The following SMOC1 variants were observed in gnomAD, a reference collection of about 807,000 sequenced individuals.
SMOC1 encodes the protein SPARC-related modular calcium-binding protein 1.
SMOC1 carries 22 observed loss-of-function variants against 56.3 expected under a neutral mutation model. The observed-to-expected ratio is 0.39, with a 90% CI of 0.28 to 0.56. The LOEUF is 0.56. SMOC1 is among the 20% of genes least tolerant of loss of function. The pLI, the probability that SMOC1 is intolerant of heterozygous loss-of-function variation, is 0.61. For synonymous variants in SMOC1, 193 were observed against 215.0 expected (o/e 0.90, Z 0.89); for missense variants, 509 against 565.4 (o/e 0.90, Z 1.01).
intron 1 of SMOC1, among the ~76,000 whole-genome samples, chr14:69,908,068 A>G (rs1422860710): frequency 6.6e-6 from 1 of 152,236 alleles, no homozygotes; most frequent in Admixed American, 6.5e-5. Flanking sequence ...TGTGGCACAG[A>G]TCTATGGCAC....
At chr14:69,980,020 A>ACAGACC (rs913740776) in intron 5 of SMOC1, among the ~76,000 whole-genome samples, 7 of 152,222 alleles carry the variant, frequency 4.6e-5, no homozygotes, top group African/African-American at 1.7e-4. Flanking sequence ...ACAATGACAG[A>ACAGACC]CAGACCCATG....
chr14:70,012,224 G>A (rs1489342549), intron 9 of SMOC1, among the ~76,000 whole-genome samples: 2 of 151,626 alleles, frequency 1.3e-5, no homozygotes, highest in Non-Finnish European at 1.5e-5. Flanking sequence ...AAAGCAGAGA[G>A]TTCTAAGAGT....
intron 3 of SMOC1, among the ~76,000 whole-genome samples, chr14:69,964,409 ACT>A (rs1883491981): frequency 7.0e-6 from 1 of 142,994 alleles, no homozygotes; most frequent in Admixed American, 7.2e-5. Flanking sequence ...ACAGAGTCTC[ACT>A]CTGTCGCCCA....
At chr14:69,990,936 A>C (rs227422) in intron 5 of SMOC1, among the ~76,000 whole-genome samples, 66,718 of 151,474 alleles carry the variant, frequency 0.44, 15,974 homozygotes, top group African/African-American at 0.63. Context: ...AACAAGGGTT[A>C]GAGTCTCCAT....
intron 1 of SMOC1, among the ~76,000 whole-genome samples, chr14:69,921,741 C>T (rs1167476421): frequency 6.6e-6 from 1 of 152,214 alleles, no homozygotes; most frequent in Non-Finnish European, 1.5e-5. Flanking sequence ...TTCACTGCAT[C>T]GTTCAGCTGG....
At chr14:69,962,366 T>C (rs1010629816) in intron 3 of SMOC1, among the ~76,000 whole-genome samples, 1 of 152,182 alleles carries the variant, frequency 6.6e-6, no homozygotes, top group South Asian at 2.1e-4. Context: ...GGTTTCACCA[T>C]GTCGGCCAGG....
chr14:69,998,853 T>C (rs1192497449), intron 7 of SMOC1, among the ~76,000 whole-genome samples: 2 of 152,198 alleles, frequency 1.3e-5, no homozygotes, highest in African/African-American at 4.8e-5. Context: ...CCTTTGTCCC[T>C]GTTTTTTTCC....
chr14:69,882,478 A>T (rs547369661), intron 1 of SMOC1, among the ~76,000 whole-genome samples: 5 of 152,336 alleles, frequency 3.3e-5, no homozygotes, highest in African/African-American at 1.2e-4. Flanking sequence ...TCTGGAAACC[A>T]GCGGCTATCG....
At chr14:69,887,739 A>T (rs759308817) in intron 1 of SMOC1, among the ~76,000 whole-genome samples, 1 of 152,208 alleles carries the variant, frequency 6.6e-6, no homozygotes, top group African/African-American at 2.4e-5. Flanking sequence ...CTAAGGGCTC[A>T]TTTGTAAAGC....
intron 3 of SMOC1, among the ~76,000 whole-genome samples, chr14:69,954,248 A>G (rs1883110426): frequency 6.6e-6 from 1 of 152,116 alleles, no homozygotes; most frequent in Non-Finnish European, 1.5e-5. Flanking sequence ...GCACAATCAT[A>G]GCTCATTGCA....
intron 1 of SMOC1, among the ~76,000 whole-genome samples, chr14:69,921,473 G>C (rs1031012927): frequency 6.6e-6 from 1 of 152,172 alleles, no homozygotes; most frequent in Non-Finnish European, 1.5e-5. Flanking sequence ...GGGCAGAAGG[G>C]GACATCAATT....
chr14:70,015,740 C>T (rs116533088), intron 10 of SMOC1, among the ~76,000 whole-genome samples: 3,333 of 152,048 alleles, frequency 0.022, 114 homozygotes, highest in African/African-American at 0.077. Flanking sequence ...GCTCAGTCTC[C>T]GAGATAGAGA....
In SMOC1 at chr14:69,994,237, G is replaced by A. The variant is rs77836790; in HGVS notation, c.584-163G>A. 1.9e-3 allele frequency: 1,448 copies of A among 745,102 alleles called. 2 individuals carry two copies. Among genetic ancestry groups the A allele is most frequent in the Non-Finnish European group, 2.7e-3 (1,115 of 407,844 alleles). 46.2% of individuals were successfully genotyped at this position (745,102 alleles called of 1,614,324 possible). On this transcript the variant is annotated intron_variant, in intron 6 of 11. Coordinates refer to ENST00000361956, the MANE Select transcript of SMOC1 (RefSeq NM_001034852.3). Reference sequence around the variant, plus strand: ...TGAGCTGTTGGGGAGAGAAGCTTCCGTTGTGAGGAAGGGAGGGGAACTGGG... The same window carrying A: ...TGAGCTGTTGGGGAGAGAAGCTTCCATTGTGAGGAAGGGAGGGGAACTGGG...
intron 9 of SMOC1, among the ~76,000 whole-genome samples, chr14:70,012,439 C>T (rs1469430615): frequency 2.0e-5 from 3 of 152,182 alleles, no homozygotes; most frequent in Non-Finnish European, 2.9e-5. Context: ...TAAATGAATA[C>T]AGGCATTTAT....
chr14:70,000,795 G>A (rs966611719), intron 7 of SMOC1, among the ~76,000 whole-genome samples: 1 of 152,176 alleles, frequency 6.6e-6, no homozygotes. Context: ...TATTTAGACA[G>A]GCTGGTTGGT....
intron 3 of SMOC1, among the ~76,000 whole-genome samples, chr14:69,962,049 A>G (rs564740141): frequency 3.9e-5 from 6 of 152,238 alleles, no homozygotes; most frequent in Admixed American, 2.6e-4. Flanking sequence ...CCATTTCTAT[A>G]TCTTTGGAGA....
At chr14:69,889,461 A>T (rs1029647815) in intron 1 of SMOC1, among the ~76,000 whole-genome samples, 2 of 152,188 alleles carry the variant, frequency 1.3e-5, no homozygotes, top group Non-Finnish European at 2.9e-5. Context: ...CAGCCTCAGC[A>T]TAGGCTCAGA....
intron 1 of SMOC1, among the ~76,000 whole-genome samples, chr14:69,892,596 C>T (rs1207780629): frequency 6.6e-6 from 1 of 152,148 alleles, no homozygotes; most frequent in Non-Finnish European, 1.5e-5. Flanking sequence ...CCATGGACCC[C>T]TTACCCACAT....
intron 7 of SMOC1, among the ~76,000 whole-genome samples, chr14:70,008,973 C>T (rs1259445858): frequency 6.6e-6 from 1 of 152,180 alleles, no homozygotes; most frequent in Non-Finnish European, 1.5e-5. Context: ...GGCCCCTCTC[C>T]CTGCTCAGTT....
Sources: gnomAD v4.1 joint callset for allele counts (sites outside exome capture counted in the v4.1 genomes callset) on GRCh38, gnomAD v4.1.1 for gene constraint, MANE v1.5 for transcripts, NCBI Gene and HGNC (gene_info 2026-07-23, HGNC 2026-07-21) for gene names.